The following SHISA9 variants were observed in gnomAD, a reference collection of about 807,000 sequenced individuals.
SHISA9 encodes the protein shisa family member 9, also known as protein shisa-9.
Under a neutral mutation model 38.0 loss-of-function variants are expected in SHISA9, and 13 were observed. The ratio of observed to expected loss-of-function variants is 0.34; its 90% CI spans 0.22 to 0.54. The LOEUF (loss-of-function observed/expected upper bound fraction) is 0.54, where lower values mean the gene tolerates loss of function less well. Ranked by LOEUF, SHISA9 falls within the 20% of genes least tolerant of loss-of-function variation. The probability of loss-of-function intolerance (pLI) is 0.91; values close to 1 mark genes in which losing one functional copy is unlikely to be tolerated. For synonymous variants in SHISA9, 275 were observed against 242.0 expected (o/e 1.14, Z -1.27); for missense variants, 538 against 575.8 (o/e 0.93, Z 0.67).
intron 4 of SHISA9, among the ~76,000 whole-genome samples, chr16:13,220,663 C>G (rs998983727): frequency 2.6e-5 from 4 of 151,742 alleles, no homozygotes; most frequent in African/African-American, 4.8e-5. Flanking sequence ...CAATGAATTT[C>G]TGGAAAAAAA....
chr16:13,555,424 A>G, the SHISA9 span, among the ~76,000 whole-genome samples: 1 of 152,248 alleles, frequency 6.6e-6, no homozygotes, highest in Admixed American at 6.5e-5. Flanking sequence ...ACATTCTTCC[A>G]CCGAAATGTG....
chr16:12,997,735 C>G (rs2072475991), intron 2 of SHISA9, among the ~76,000 whole-genome samples: 1 of 152,164 alleles, frequency 6.6e-6, no homozygotes, highest in Non-Finnish European at 1.5e-5. Flanking sequence ...CCTTCATCAT[C>G]TGGACTCTGA....
the SHISA9 span, among the ~76,000 whole-genome samples, chr16:13,428,393 A>G: frequency 1.1e-4 from 16 of 152,194 alleles, no homozygotes; most frequent in Non-Finnish European, 2.2e-4. Context: ...GATGACCAAA[A>G]AGCTGTCAAG....
At chr16:13,110,668 G>C (rs2073969719) in intron 2 of SHISA9, among the ~76,000 whole-genome samples, 1 of 152,218 alleles carries the variant, frequency 6.6e-6, no homozygotes, top group Non-Finnish European at 1.5e-5. Flanking sequence ...ACAGGTCAGT[G>C]AGCCAATCAG....
intron 2 of SHISA9, among the ~76,000 whole-genome samples, chr16:12,986,405 T>C (rs2072309865): frequency 2.0e-5 from 3 of 148,972 alleles, no homozygotes; most frequent in African/African-American, 7.7e-5. Flanking sequence ...GTTTAGAAAA[T>C]GAATGAATTA....
At chr16:13,469,767 A>G in the SHISA9 span, among the ~76,000 whole-genome samples, 7 of 144,206 alleles carry the variant, frequency 4.9e-5, no homozygotes, top group Non-Finnish European at 1.1e-4. Context: ...TAACCAGAGT[A>G]TGAGATAACT....
intron 2 of SHISA9, among the ~76,000 whole-genome samples, chr16:12,938,486 TTCTC>T (rs752037617): frequency 8.6e-5 from 13 of 151,884 alleles, no homozygotes; most frequent in African/African-American, 1.7e-4. Flanking sequence ...TAGGGGCTAA[TTCTC>T]TCTCTCTCTC....
chr16:13,498,958 T>G, the SHISA9 span, among the ~76,000 whole-genome samples: 1 of 152,158 alleles, frequency 6.6e-6, no homozygotes, highest in Non-Finnish European at 1.5e-5. Flanking sequence ...GGAAAGAATC[T>G]GCCTTCTTGC....
At chr16:13,332,892 G>T in the SHISA9 span, among the ~76,000 whole-genome samples, 1 of 152,350 alleles carries the variant, frequency 6.6e-6, no homozygotes, top group South Asian at 2.1e-4. Context: ...CTGTGGTCCA[G>T]CTGCCAGCAA....
chr16:13,064,784 C>CAAAAAAA (rs72435637), intron 2 of SHISA9, among the ~76,000 whole-genome samples: 3 of 82,398 alleles, frequency 3.6e-5, no homozygotes, highest in East Asian at 3.6e-4. Flanking sequence ...AGTTGTAAGG[C>CAAAAAAA]AAAAAAAAAA....
the SHISA9 span, among the ~76,000 whole-genome samples, chr16:13,536,972 A>G: frequency 5.9e-5 from 9 of 152,314 alleles, no homozygotes; most frequent in African/African-American, 2.2e-4. Flanking sequence ...TTCAGCATCA[A>G]GGATCTTAAT....
rs1555454826 is a variant in SHISA9, at chr16:13,015,890, C to CTTTCTT, written c.691+99077_691+99082dup. ...TCTTTCTTTCTTTCTTTCTTTCTTT[C>CTTTCTT]TTTCTTTCTTTCTTTCTTTTCTTTC... is the stretch of plus-strand genomic sequence containing the variant. On this transcript the variant is annotated intron_variant, in intron 2 of 4. Coordinates refer to ENST00000558583, the MANE Select transcript of SHISA9 (RefSeq NM_001145204.3). Among the ~76,000 whole-genome samples, 178 of 117,122 alleles carry CTTTCTT rather than the reference C, an allele frequency of 1.5e-3. 4 individuals carry two copies. Among genetic ancestry groups the CTTTCTT allele is most frequent in the Non-Finnish European group, 2.3e-3 (124 of 54,568 alleles). 76.8% of individuals were successfully genotyped at this position (117,122 alleles called of 152,430 possible). A position where few individuals can be genotyped will look rare whatever the true frequency, so the allele number is the denominator to read the frequency against.
At chr16:13,418,077 A>C in the SHISA9 span, among the ~76,000 whole-genome samples, 2 of 152,170 alleles carry the variant, frequency 1.3e-5, no homozygotes, top group African/African-American at 4.8e-5. Flanking sequence ...GACACCTGTC[A>C]TGTTTTGGAG....
At chr16:13,056,322 A>G (rs1239533480) in intron 2 of SHISA9, among the ~76,000 whole-genome samples, 2 of 152,198 alleles carry the variant, frequency 1.3e-5, no homozygotes, top group Non-Finnish European at 2.9e-5. Flanking sequence ...TACAGGGTGG[A>G]GGCAAACTAT....
chr16:12,977,413 C>T (rs1459012505), intron 2 of SHISA9, among the ~76,000 whole-genome samples: 3 of 152,064 alleles, frequency 2.0e-5, no homozygotes, highest in African/African-American at 7.2e-5. Context: ...TGTGGCAATT[C>T]CTCAAAGACC....
the SHISA9 span, among the ~76,000 whole-genome samples, chr16:13,356,754 C>T: frequency 6.6e-6 from 1 of 152,050 alleles, no homozygotes; most frequent in Non-Finnish European, 1.5e-5. Context: ...TTGCACTGGG[C>T]ACAGAGACTA....
chr16:13,044,013 C>T (rs1470493942), intron 2 of SHISA9, among the ~76,000 whole-genome samples: 18 of 152,140 alleles, frequency 1.2e-4, no homozygotes, highest in Admixed American at 7.9e-4. Context: ...TTAGCCTGGC[C>T]AAAGAAACTT....
At chr16:13,428,777 T>TTG in the SHISA9 span, among the ~76,000 whole-genome samples, 1 of 150,664 alleles carries the variant, frequency 6.6e-6, no homozygotes, top group Non-Finnish European at 1.5e-5. Context: ...TTTATTGTTT[T>TTG]TTTTTTTTTG....
the SHISA9 span, among the ~76,000 whole-genome samples, chr16:13,497,604 G>C: frequency 1.3e-5 from 2 of 148,780 alleles, no homozygotes; most frequent in East Asian, 4.0e-4. Context: ...AGAATTGCTT[G>C]AACCCGGCAG....
Sources: gnomAD v4.1 joint callset for allele counts (sites outside exome capture counted in the v4.1 genomes callset) on GRCh38, gnomAD v4.1.1 for gene constraint, MANE v1.5 for transcripts, NCBI Gene and HGNC (gene_info 2026-07-23, HGNC 2026-07-21) for gene names.